Variants in PHAF1 observed in about 807,000 individuals in gnomAD.
PHAF1 encodes the protein phagosome assembly factor 1.
Under a neutral mutation model 63.1 loss-of-function variants are expected in PHAF1, and 23 were observed. That is an observed-to-expected ratio of 0.36 (90% CI 0.26 to 0.52). PHAF1 has a LOEUF of 0.52. Among genes scored for constraint, PHAF1 ranks in the 20% least tolerant of loss-of-function variants. The pLI is 0.93. For missense variants in PHAF1, 427 were observed against 517.2 expected (o/e 0.83, Z 1.69); for synonymous variants, 167 against 185.0 (o/e 0.90, Z 0.79).
At chr16:67,110,474 G>GT (rs1183585427) in intron 1 of PHAF1, among the ~76,000 whole-genome samples, 1 of 152,084 alleles carries the variant, frequency 6.6e-6, no homozygotes, top group Non-Finnish European at 1.5e-5. Context: ...AACAGTAGTA[G>GT]TAAAGACAAT....
At chr16:67,128,832 G>T (rs750491785) in intron 3 of PHAF1, among the ~76,000 whole-genome samples, 1 of 152,238 alleles carries the variant, frequency 6.6e-6, no homozygotes, top group Non-Finnish European at 1.5e-5. Flanking sequence ...CCTGTGATTA[G>T]CTCTGGTCCA....
In PHAF1 at chr16:67,132,884, C is replaced by A; in HGVS notation, c.423C>A (p.Asp141Glu). 1 of 1,612,928 alleles carries A rather than the reference C, an allele frequency of 6.2e-7. No individual in the cohort carries two copies. Among genetic ancestry groups the A allele is most frequent in the Non-Finnish European group, 8.5e-7 (1 of 1,178,858 alleles). The change falls in exon 6 of 16, where the codon GAC becomes GAA. Residue 141 changes from aspartate to glutamate, a missense_variant. Physicochemically the swap from Asp to Glu is conservative, Grantham distance 45. Coordinates refer to ENST00000219139, the MANE Select transcript of PHAF1 (RefSeq NM_025187.5). ...FRGLSFSFQL[D>E]SWTEAPKYEP... is the part of the protein sequence containing the mutation. The stretch of plus-strand genomic sequence containing the variant: ...GACTGTCTTTCTCTTTTCAGTTAGA[C>A]TCATGGACTGAGGCTCCAAAGTATG...
intron 2 of PHAF1, among the ~76,000 whole-genome samples, chr16:67,124,138 A>G (rs1240709707): frequency 1.3e-5 from 2 of 152,156 alleles, no homozygotes; most frequent in African/African-American, 4.8e-5. Context: ...TTGGGAAAGT[A>G]TAGGAAAATC....
intron 15 of PHAF1, 126 bp downstream of exon 15, chr16:67,146,476 G>A (rs1413566099): frequency 5.0e-6 from 5 of 999,092 alleles, no homozygotes; most frequent in Non-Finnish European, 1.6e-6. Flanking sequence ...TCCTTCTTCA[G>A]CAACCGTGTC....
Position 67,132,580 on chromosome 16 carries a change from AC to A in PHAF1, c.355+57del, listed in dbSNP as rs1567647729. The stretch of plus-strand genomic sequence containing the variant: ...CATCAGTGGCAGTTCATAGCAATAA[AC>A]CTGCCCGGTAGTGCCATCCCACCCC... On this transcript the variant is annotated intron_variant, in intron 5 of 15. Coordinates refer to ENST00000219139, the MANE Select transcript of PHAF1 (RefSeq NM_025187.5). The A allele has an allele frequency of 1.9e-6, 3 of 1,555,282 alleles. 1 individual carries two copies. In the South Asian group the frequency reaches 3.3e-5, roughly 17 times the overall value.
At chr16:67,145,699 G>A (rs1368020279) in intron 14 of PHAF1, 71 bp downstream of exon 14, 5 of 1,502,366 alleles carry the variant, frequency 3.3e-6, no homozygotes, top group Non-Finnish European at 4.5e-6. Context: ...AGGGAAGCCT[G>A]GCACAGTGGA....
chr16:67,117,683 C>T (rs1247250213), intron 1 of PHAF1, among the ~76,000 whole-genome samples: 1 of 151,430 alleles, frequency 6.6e-6, no homozygotes, highest in Non-Finnish European at 1.5e-5. Flanking sequence ...TGGCGTGAAC[C>T]CAGGAGGCGG....
chr16:67,140,537 T>A lies in PHAF1; in HGVS notation c.822T>A (p.His274Gln). 6.3e-7 allele frequency: 1 copy of A among 1,599,542 alleles called. No individual in the cohort carries two copies. The highest frequency in any genetic ancestry group is 8.6e-7 in the Non-Finnish European group (1 of 1,166,600). ...DKMKIHSPSP[H>Q]KQVPSKCNDY... ...TGAAAATTCATTCTCCTTCCCCTCA[T>A]AAACAAGTTCCATCGAAGTGTAATG... The change falls in exon 10 of 16, where the codon CAT becomes CAA. Residue 274 changes from histidine (H) to glutamine (Q), a missense_variant. Coordinates refer to ENST00000219139, the MANE Select transcript of PHAF1 (RefSeq NM_025187.5).
At chr16:67,134,848 C>A in intron 8 of PHAF1, 2 of 389,818 alleles carry the variant, frequency 5.1e-6, no homozygotes, top group Non-Finnish European at 1.0e-5. Context: ...CTAATACCAT[C>A]ACCTTGGTGG....
intron 4 of PHAF1, among the ~76,000 whole-genome samples, chr16:67,131,748 G>A (rs1433515711): frequency 6.6e-6 from 1 of 152,204 alleles, no homozygotes; most frequent in Non-Finnish European, 1.5e-5. Context: ...CACCATTTTA[G>A]AGCTATAATG....
intron 7 of PHAF1, 43 bp downstream of exon 7, chr16:67,134,308 C>T: frequency 6.2e-7 from 1 of 1,607,920 alleles, no homozygotes; most frequent in East Asian, 2.2e-5. Context: ...GCCTGGGCTG[C>T]CTGGGAGAAA....
chr16:67,112,001 T>C (rs1962537131), intron 1 of PHAF1, among the ~76,000 whole-genome samples: 1 of 152,154 alleles, frequency 6.6e-6, no homozygotes, highest in Non-Finnish European at 1.5e-5. Flanking sequence ...TTCCAAAATA[T>C]TAGCTGGTAC....
At chr16:67,131,092 T>C (rs1489816170) in intron 3 of PHAF1, among the ~76,000 whole-genome samples, 194 bp from the exon 4 acceptor site, 1 of 152,034 alleles carries the variant, frequency 6.6e-6, no homozygotes, top group Non-Finnish European at 1.5e-5. Context: ...TTTGCTAAGA[T>C]TCTATCTCTA....
At chr16:67,113,298 A>G (rs1367940989) in intron 1 of PHAF1, among the ~76,000 whole-genome samples, 1 of 152,138 alleles carries the variant, frequency 6.6e-6, no homozygotes, top group Non-Finnish European at 1.5e-5. Flanking sequence ...TGGTTGTATA[A>G]TGTTGGATGA....
chr16:67,144,521 T>G, intron 11 of PHAF1, 145 bp downstream of exon 11: 1 of 678,734 alleles, frequency 1.5e-6, no homozygotes, highest in East Asian at 2.7e-5. Context: ...CCTGAGTGCT[T>G]GCTGTGTTCC....
chr16:67,131,223 T>G lies in PHAF1; in HGVS notation c.232-63T>G, dbSNP rs889977653. ...TTTACTATTTATTCTATAAATGTATTTTTAATCATTTTTAGTCTGTCATCA... is the reference window on the plus strand; with the variant it reads ...TTTACTATTTATTCTATAAATGTATGTTTAATCATTTTTAGTCTGTCATCA... On this transcript the variant is annotated intron_variant, in intron 3 of 15. Coordinates refer to ENST00000219139, the MANE Select transcript of PHAF1 (RefSeq NM_025187.5). The G allele has an allele frequency of 5.1e-6, 5 of 978,344 alleles. No homozygotes were observed. In the African/African-American group the frequency reaches 8.5e-5, roughly 17 times the overall value. The allele number at this position is 978,344 out of a possible 1,614,324, so 60.6% of individuals were successfully genotyped here. A position where few individuals can be genotyped will look rare whatever the true frequency, so the allele number is the denominator to read the frequency against.
intron 2 of PHAF1, among the ~76,000 whole-genome samples, chr16:67,121,672 C>G (rs1011140107): frequency 6.7e-6 from 1 of 149,374 alleles, no homozygotes; most frequent in Admixed American, 6.7e-5. Context: ...CCTGCGCCTC[C>G]CGAGTTCAAG....
intron 3 of PHAF1, among the ~76,000 whole-genome samples, chr16:67,127,666 G>A (rs1186721500): frequency 2.0e-5 from 3 of 152,068 alleles, no homozygotes; most frequent in Non-Finnish European, 2.9e-5. Flanking sequence ...CATGGTGGCA[G>A]GCGCCTGTAG....
intron 2 of PHAF1, among the ~76,000 whole-genome samples, chr16:67,122,761 C>T (rs1963035333): frequency 6.6e-6 from 1 of 152,092 alleles, no homozygotes; most frequent in South Asian, 2.1e-4. Flanking sequence ...CAGAGTCTTG[C>T]TCCGTCACCC....
Sources: gnomAD v4.1 joint callset for allele counts (sites outside exome capture counted in the v4.1 genomes callset) on GRCh38, gnomAD v4.1.1 for gene constraint, MANE v1.5 for transcripts, NCBI Gene and HGNC (gene_info 2026-07-23, HGNC 2026-07-21) for gene names.